Variants in IL34 observed in about 807,000 individuals in gnomAD.
IL34 encodes interleukin-34.
A neutral mutation model predicts 25.3 loss-of-function variants in IL34; 17 were observed. The observed-to-expected ratio is 0.67, with a 90% confidence interval of 0.46 to 1.01. The LOEUF (loss-of-function observed/expected upper bound fraction) is 1.01, where lower values mean the gene tolerates loss of function less well. IL34 is among the 50% of genes least tolerant of loss of function. The probability of loss-of-function intolerance (pLI) is 0.00; values close to 1 mark genes in which losing one functional copy is unlikely to be tolerated. For missense variants in IL34, 368 were observed against 312.9 expected, an observed-to-expected ratio of 1.18 and a Z score of -1.33; for synonymous variants, 174 against 140.9, an observed-to-expected ratio of 1.23 and a Z score of -1.66.
chr16:70,621,998 C>T lies in IL34; in HGVS notation c.-400-24550C>T, dbSNP rs141272056. Among the ~76,000 whole-genome samples, 186 of 152,154 alleles carry T rather than the reference C, an allele frequency of 1.2e-3. 4 individuals are homozygous for T. The East Asian group carries it at 0.035, about 29-fold the overall frequency. On this transcript the variant is annotated intron_variant, in intron 1 of 6. Transcript: ENST00000429149. ...TGATTCTTCAGTTACTTCAGGCCAT[C>T]TGGGCGTATATACGTGCAAGTCACA...
chr16:70,636,359 A>T (rs538612741), intron 1 of IL34, among the ~76,000 whole-genome samples: 2 of 152,194 alleles, frequency 1.3e-5, no homozygotes, highest in East Asian at 3.9e-4. Flanking sequence ...TTATACCTGC[A>T]TGTTTTCCTT....
At chr16:70,597,540 T>A (rs1454569990) in intron 1 of IL34, among the ~76,000 whole-genome samples, 2 of 152,172 alleles carry the variant, frequency 1.3e-5, no homozygotes, top group Non-Finnish European at 2.9e-5. Context: ...CTAGCCCAGT[T>A]TTTTAGTTCT....
intron 4 of IL34, chr16:70,657,389 A>T (rs1257479680): frequency 1.2e-5 from 5 of 425,776 alleles, no homozygotes; most frequent in Non-Finnish European, 2.1e-5. Context: ...CTCCCTCTGG[A>T]TCCTGGGCAA....
intron 1 of IL34, among the ~76,000 whole-genome samples, chr16:70,594,278 C>A (rs962184860): frequency 2.6e-5 from 4 of 152,168 alleles, no homozygotes; most frequent in Non-Finnish European, 4.4e-5. Context: ...TTATTTAGAT[C>A]TTTGCTTTCT....
chr16:70,607,556 ACTGTCTTGTC>A (rs1480812726), intron 1 of IL34, among the ~76,000 whole-genome samples: 7 of 152,164 alleles, frequency 4.6e-5, no homozygotes, highest in Non-Finnish European at 8.8e-5. Flanking sequence ...AGTGGACATC[ACTGTCTTGTC>A]TTGATCTTGA....
At chr16:70,631,132 T>G (rs1010646744) in intron 1 of IL34, among the ~76,000 whole-genome samples, 1 of 152,228 alleles carries the variant, frequency 6.6e-6, no homozygotes, top group African/African-American at 2.4e-5. Flanking sequence ...TATTAAGAAG[T>G]TTCCTTATAT....
At chr16:70,628,357 GTTT>G (rs911859021) in intron 1 of IL34, among the ~76,000 whole-genome samples, 3 of 151,924 alleles carry the variant, frequency 2.0e-5, no homozygotes, top group Non-Finnish European at 4.4e-5. Flanking sequence ...ATTGTTTACA[GTTT>G]TTTAGTATAT....
At chr16:70,590,635 G>C (rs2050742491) in intron 1 of IL34, among the ~76,000 whole-genome samples, 1 of 152,178 alleles carries the variant, frequency 6.6e-6, no homozygotes. Flanking sequence ...GTGTTAAGCT[G>C]AACAGGCTTG....
At chr16:70,596,299 G>A (rs2050822231) in intron 1 of IL34, among the ~76,000 whole-genome samples, 1 of 152,220 alleles carries the variant, frequency 6.6e-6, no homozygotes, top group Non-Finnish European at 1.5e-5. Flanking sequence ...TTGAGGTGAT[G>A]AATTTTGGGG....
intron 1 of IL34, among the ~76,000 whole-genome samples, chr16:70,623,107 G>C (rs771010936): frequency 4.6e-5 from 7 of 152,070 alleles, no homozygotes; most frequent in Non-Finnish European, 1.0e-4. Context: ...ATAGGTAACA[G>C]ATGAGGATGA....
intron 1 of IL34, among the ~76,000 whole-genome samples, chr16:70,599,539 T>TC (rs1396087523): frequency 6.6e-6 from 1 of 151,566 alleles, no homozygotes; most frequent in Non-Finnish European, 1.5e-5. Flanking sequence ...GTATTTTTTT[T>TC]TTTTTTTTAG....
intron 1 of IL34, among the ~76,000 whole-genome samples, chr16:70,632,223 T>G (rs2051536127): frequency 6.6e-6 from 1 of 152,012 alleles, no homozygotes; most frequent in Non-Finnish European, 1.5e-5. Context: ...GAGGAGCCTG[T>G]GGGGATGAGA....
intron 3 of IL34, 27 bp downstream of exon 3, chr16:70,656,706 G>C (rs368507367): frequency 2.7e-6 from 3 of 1,114,746 alleles, no homozygotes; most frequent in Admixed American, 3.4e-5. Context: ...GGGCTGGGGG[G>C]ACCCTGCCTC....
At chr16:70,599,293 C>CTTTCTTTCCTTCTTCT (rs113794220) in intron 1 of IL34, among the ~76,000 whole-genome samples, 38 of 132,796 alleles carry the variant, frequency 2.9e-4, no homozygotes, top group African/African-American at 1.0e-3. Context: ...TTCTTTCTTT[C>CTTTCTTTCCTTCTTCT]TTCTTTCTTT....
At chr16:70,649,175 A>G (rs1300857306) in intron 1 of IL34, among the ~76,000 whole-genome samples, 1 of 152,224 alleles carries the variant, frequency 6.6e-6, no homozygotes, top group South Asian at 2.1e-4. Context: ...AGCTGGTGGT[A>G]GAAGAAAACA....
intron 4 of IL34, 35 bp downstream of exon 4, chr16:70,657,156 T>C (rs1401477592): frequency 6.2e-7 from 1 of 1,603,640 alleles, no homozygotes; most frequent in African/African-American, 1.3e-5. Context: ...GTGGGGTGTG[T>C]GTGTGTGCAC....
chr16:70,654,365 C>A, intron 1 of IL34, 173 bp from the exon 2 acceptor site: 1 of 810,368 alleles, frequency 1.2e-6, no homozygotes, highest in Non-Finnish European at 1.9e-6. Flanking sequence ...CCTTGCTGTT[C>A]TGGAGCCAGA....
At chr16:70,659,302 C>T (rs1044311780) in intron 4 of IL34, among the ~76,000 whole-genome samples, 2 of 152,224 alleles carry the variant, frequency 1.3e-5, no homozygotes, top group African/African-American at 2.4e-5. Flanking sequence ...AGGGGGTCCT[C>T]ACGCAGTGGT....
At chr16:70,648,543 C>A (rs1284090806) in intron 1 of IL34, among the ~76,000 whole-genome samples, 2 of 123,270 alleles carry the variant, frequency 1.6e-5, no homozygotes, top group African/African-American at 7.1e-5. Flanking sequence ...CAGGGTGAGA[C>A]CCTGTCTTTA....
Sources: gnomAD v4.1 joint callset for allele counts (sites outside exome capture counted in the v4.1 genomes callset) on GRCh38, gnomAD v4.1.1 for gene constraint, MANE v1.5 for transcripts, NCBI Gene and HGNC (gene_info 2026-07-23, HGNC 2026-07-21) for gene names.